TRPV4: variants seen among roughly 807,000 people sequenced by gnomAD.
TRPV4 encodes transient receptor potential cation channel subfamily V member 4, also known as OSM9-like transient receptor potential channel 4.
TRPV4 carries 58 observed loss-of-function variants against 84.1 expected under a neutral mutation model. The observed-to-expected ratio is 0.69, with a 90% CI of 0.56 to 0.86. The LOEUF (loss-of-function observed/expected upper bound fraction) is 0.86, where lower values mean the gene tolerates loss of function less well. Ranked by LOEUF, TRPV4 falls within the 40% of genes least tolerant of loss-of-function variation. TRPV4 has a pLI of 0.00. For synonymous variants in TRPV4, 489 were observed against 500.9 expected (o/e 0.98, Z 0.32); for missense variants, 879 against 1,181.1 (o/e 0.74, Z 3.75).
In TRPV4 at chr12:109,788,659, G is replaced by T. The variant is rs1249629161; in HGVS notation, c.1949C>A (p.Thr650Asn). The change falls in exon 13 of 16, where the codon ACC (threonine) becomes AAC (asparagine). Residue 650 changes from threonine to asparagine, a missense_variant. Thr to Asn is a moderately conservative substitution (Grantham distance 65). This residue lies in a region of TRPV4 where 242 missense variants were observed against 355.3 expected (regional missense o/e 0.68). Transcript: ENST00000261740. ...GGGGTAAGTGGGCACTGTGCAGTTG[G>T]TCTGGTCCTCATTGCACACCTTCAT... ...ANMKVCNEDQ[T>N]NCTVPTYPSC... 3.1e-6 allele frequency: 5 copies of T among 1,614,226 alleles called. No individual in the cohort carries two copies. The highest frequency in any genetic ancestry group is 3.4e-6 in the Non-Finnish European group (4 of 1,180,052).
Position 109,796,381 on chromosome 12 carries a change from C to A in TRPV4, c.1332+144G>T. 1 of 890,436 alleles carries A rather than the reference C, an allele frequency of 1.1e-6. No homozygotes were observed. Among genetic ancestry groups the A allele is most frequent in the East Asian group, 2.7e-5 (1 of 37,588 alleles). 55.2% of individuals were successfully genotyped at this position (890,436 alleles called of 1,614,324 possible). A position where few individuals can be genotyped will look rare whatever the true frequency, so the allele number is the denominator to read the frequency against. ...CACTGTTCTGGGCACTTAGTTGGCA[C>A]CTTCTCTTGCATTCAGCCAACAGAC... On this transcript the variant is annotated intron_variant, in intron 7 of 15. Transcript: ENST00000261740. The surrounding 1 kb of genome is among the most constrained non-coding windows in gnomAD (Gnocchi z 4.2).
intron 1 of TRPV4, among the ~76,000 whole-genome samples, chr12:109,831,933 C>T (rs764586198): frequency 2.6e-5 from 4 of 152,234 alleles, no homozygotes; most frequent in Admixed American, 6.5e-5. Context: ...ATTCTTCAAA[C>T]AGAATGAACT....
Position 109,786,757 on chromosome 12 carries a change from G to T in TRPV4, c.2289C>A (p.Thr763=). Residue 763 remains threonine (T), a synonymous_variant, in exon 14 of 16, where the codon ACC becomes ACA. Transcript: ENST00000261740. This position sits in a 1 kb window ranked among gnomAD's most constrained non-coding sequence, Gnocchi z 4.5. ...RKAFRSGEMV[T]VGKSSDGTPD... ...GAGTGCCGTCCGAGCTCTTGCCCAC[G>T]GTGACCATCTCCCCAGAGCGGAAGG... is the stretch of plus-strand genomic sequence containing the variant. 1 of 1,613,924 alleles carries T rather than the reference G, an allele frequency of 6.2e-7. No individual in the cohort carries two copies. The highest frequency in any genetic ancestry group is 1.3e-5 in the African/African-American group (1 of 75,024).
intron 2 of TRPV4, among the ~76,000 whole-genome samples, chr12:109,810,362 G>A (rs560604304): frequency 1.3e-4 from 20 of 152,198 alleles, no homozygotes; most frequent in Non-Finnish European, 2.8e-4. Context: ...TAGGGGAACA[G>A]AGAAAACCCT....
chr12:109,783,424 G>C lies in TRPV4; in HGVS notation c.*197C>G. ...TATGTGACTCCATAGGAGCAAGACA[G>C]GTGGCCGGGAGCCCCCACCCCAGGG... On this transcript the variant is annotated 3_prime_UTR_variant, in exon 16 of 16. Coordinates refer to ENST00000261740, the MANE Select transcript of TRPV4 (RefSeq NM_021625.5). The surrounding 1 kb of genome is among the most constrained non-coding windows in gnomAD (Gnocchi z 4.6). The C allele has an allele frequency of 1.5e-6, 1 of 650,568 alleles. No homozygotes were observed. The highest frequency in any genetic ancestry group is 2.8e-5 in the East Asian group (1 of 35,596). The allele number at this position is 650,568 out of a possible 1,614,324, so 40.3% of individuals were successfully genotyped here.
chr12:109,819,064 C>T (rs1891982816), intron 1 of TRPV4, among the ~76,000 whole-genome samples: 1 of 152,060 alleles, frequency 6.6e-6, no homozygotes, highest in Non-Finnish European at 1.5e-5. Context: ...CACGTGTACA[C>T]ATACACATAG....
At chr12:109,824,495 C>G (rs945496429) in intron 1 of TRPV4, among the ~76,000 whole-genome samples, 4 of 152,048 alleles carry the variant, frequency 2.6e-5, no homozygotes, top group African/African-American at 9.7e-5. Flanking sequence ...GTGGCTCACG[C>G]CTGTAATCCC....
At chr12:109,803,990 G>GGA in intron 3 of TRPV4, among the ~76,000 whole-genome samples, 1 of 152,128 alleles carries the variant, frequency 6.6e-6, no homozygotes, top group Non-Finnish European at 1.5e-5. Context: ...AGGGAGTGGA[G>GGA]GGGTGCAGCG....
intron 10 of TRPV4, 95 bp from the exon 11 acceptor site, chr12:109,792,912 C>G (rs1890137756): frequency 7.7e-7 from 1 of 1,298,390 alleles, no homozygotes; most frequent in Non-Finnish European, 1.1e-6. Context: ...TCCAGGGTAT[C>G]AGGACTTCCC....
chr12:109,827,685 G>A (rs1265822276), intron 1 of TRPV4, among the ~76,000 whole-genome samples: 2 of 149,960 alleles, frequency 1.3e-5, no homozygotes, highest in Non-Finnish European at 3.0e-5. Context: ...TGCACACATA[G>A]ACATTCACAT....
At chr12:109,813,264 T>A (rs1467478100) in intron 2 of TRPV4, among the ~76,000 whole-genome samples, 3 of 152,008 alleles carry the variant, frequency 2.0e-5, no homozygotes, top group South Asian at 2.1e-4. Context: ...ACAAAAAAAA[T>A]TAGCTGGGTG....
At chr12:109,824,458 A>G (rs1371537597) in intron 1 of TRPV4, among the ~76,000 whole-genome samples, 2 of 152,044 alleles carry the variant, frequency 1.3e-5, no homozygotes, top group Admixed American at 1.3e-4. Context: ...GGAGGGAGGC[A>G]TCAAATTCTT....
At chr12:109,809,000 CATCA>C (rs1244010423) in intron 2 of TRPV4, among the ~76,000 whole-genome samples, 6 of 149,524 alleles carry the variant, frequency 4.0e-5, no homozygotes, top group South Asian at 2.2e-4. Flanking sequence ...TCCATCCATC[CATCA>C]CTCATCCATC....
At chr12:109,813,682 A>G (rs1891669417) in intron 2 of TRPV4, among the ~76,000 whole-genome samples, 1 of 152,114 alleles carries the variant, frequency 6.6e-6, no homozygotes, top group African/African-American at 2.4e-5. Context: ...TAATAGATAG[A>G]TGGATGATGA....
rs184625841 is a variant in TRPV4 at position 109,798,247 on chromosome 12, G to C, written c.1152+367C>G. ...TGAGAAACCCTTCTCCAGGCCCCAT[G>C]CTGCGCGGCCCAGAAAAGGGAAGGA... On this transcript the variant is annotated intron_variant, in intron 6 of 15. Transcript: ENST00000261740. The surrounding 1 kb of genome is among the most constrained non-coding windows in gnomAD (Gnocchi z 5.0). Among the ~76,000 whole-genome samples, 2 of 152,280 alleles carry C rather than the reference G, an allele frequency of 1.3e-5. No homozygotes were observed. Among genetic ancestry groups the C allele is most frequent in the East Asian group, 3.9e-4 (2 of 5,176 alleles).
intron 6 of TRPV4, among the ~76,000 whole-genome samples, chr12:109,797,072 T>G (rs1890449570): frequency 6.6e-6 from 1 of 152,114 alleles, no homozygotes. Context: ...CTGTTACCAC[T>G]CCTCCTTCCC....
chr12:109,816,296 G>A (rs1891840950), intron 1 of TRPV4, among the ~76,000 whole-genome samples: 1 of 152,204 alleles, frequency 6.6e-6, no homozygotes. Flanking sequence ...GGCCTTTGGA[G>A]TCATTCAGGC....
intron 7 of TRPV4, among the ~76,000 whole-genome samples, chr12:109,795,252 G>A (rs1219710076): frequency 6.6e-6 from 1 of 152,154 alleles, no homozygotes; most frequent in Non-Finnish European, 1.5e-5. Flanking sequence ...CAATAATTGA[G>A]CCCTGCACAA....
chr12:109,812,639 GAGA>G (rs941642491), intron 2 of TRPV4, among the ~76,000 whole-genome samples: 1 of 152,196 alleles, frequency 6.6e-6, no homozygotes, highest in Non-Finnish European at 1.5e-5. Flanking sequence ...GGTTAGAAGA[GAGA>G]AGGAGAGGAA....
Sources: allele counts gnomAD v4.1 joint callset (sites outside exome capture counted in the v4.1 genomes callset), GRCh38; gene constraint gnomAD v4.1.1; regional missense constraint gnomAD v4.1.1; non-coding constraint Gnocchi (gnomAD v3.1); transcripts MANE v1.5; gene names NCBI Gene and HGNC (gene_info 2026-07-23, HGNC 2026-07-21).